MYH10: variants seen among roughly 807,000 people sequenced by gnomAD.
The protein encoded by MYH10 is myosin heavy chain 10.
MYH10 carries 55 observed loss-of-function variants against 257.8 expected under a neutral mutation model. That is an observed-to-expected ratio of 0.21 (90% confidence interval 0.17 to 0.27). The LOEUF is 0.27. MYH10 is among the 10% of genes least tolerant of loss of function. The pLI, the probability that MYH10 is intolerant of heterozygous loss-of-function variation, is 1.00. For synonymous variants in MYH10, 854 were observed against 921.7 expected (o/e 0.93, Z 1.33); for missense variants, 1,631 against 2,500.6 (o/e 0.65, Z 7.42).
chr17:8,508,772 A>G (rs2081160928), intron 25 of MYH10, 95 bp from the exon 26 acceptor site: 1 of 1,474,532 alleles, frequency 6.8e-7, no homozygotes, highest in Admixed American at 1.8e-5. Flanking sequence ...CTCGAGAGAA[A>G]ATAAGTTCTA....
intron 28 of MYH10, among the ~76,000 whole-genome samples, chr17:8,503,176 G>A (rs1174399204): frequency 4.6e-5 from 7 of 152,112 alleles, no homozygotes; most frequent in Non-Finnish European, 4.4e-5. Flanking sequence ...CCAGCTACTC[G>A]GGAGGCTGAG....
intron 14 of MYH10, among the ~76,000 whole-genome samples, chr17:8,540,267 T>C (rs1242155077): frequency 6.6e-6 from 1 of 152,192 alleles, no homozygotes; most frequent in Non-Finnish European, 1.5e-5. Context: ...AGTACTGGGA[T>C]TATAGGCGGG....
chr17:8,542,053 A>T, intron 14 of MYH10, 54 bp downstream of exon 14: 1 of 1,539,502 alleles, frequency 6.5e-7, no homozygotes, highest in Non-Finnish European at 8.8e-7. Flanking sequence ...TATGCCACTT[A>T]AGGTCACTGC....
At chr17:8,517,033 C>T (rs954181012) in intron 21 of MYH10, among the ~76,000 whole-genome samples, 2 of 151,618 alleles carry the variant, frequency 1.3e-5, no homozygotes, top group African/African-American at 4.8e-5. Context: ...CCCAGCTACT[C>T]GGGAGGCTGA....
At chr17:8,610,344 TTTGGGAAGCCACG>T (rs1404566963) in intron 2 of MYH10, among the ~76,000 whole-genome samples, 1 of 144,768 alleles carries the variant, frequency 6.9e-6, no homozygotes, top group Admixed American at 6.9e-5. Flanking sequence ...ACCCCAGCAC[TTTGGGAAGCCACG>T]GTGGGAAGAT....
At chr17:8,551,158 ATTT>A (rs2082631498) in intron 9 of MYH10, among the ~76,000 whole-genome samples, 1 of 143,046 alleles carries the variant, frequency 7.0e-6, no homozygotes. Context: ...TAAATAATAA[ATTT>A]AAAAAAAAAA....
chr17:8,613,098 C>A (rs1194210453), intron 2 of MYH10, among the ~76,000 whole-genome samples: 1 of 152,008 alleles, frequency 6.6e-6, no homozygotes, highest in Non-Finnish European at 1.5e-5. Flanking sequence ...AAAGGAAAAC[C>A]GATGACCTTC....
rs1912185171 is a variant in MYH10, at chr17:8,474,513, T to C, written c.*1291A>G. ...GTGTTTTCAAGCACATTGCAGAGGA[T>C]CAAGGATTTAGAATTAACACTGATT... is the stretch of plus-strand genomic sequence containing the variant. On this transcript the variant is annotated 3_prime_UTR_variant, in exon 43 of 43. Transcript: ENST00000360416. 6.6e-6 allele frequency: 1 copy of C among 152,612 alleles called. No homozygotes were observed. Among genetic ancestry groups the C allele is most frequent in the Non-Finnish European group, 1.5e-5 (1 of 68,040 alleles). 9.5% of individuals were successfully genotyped at this position (152,612 alleles called of 1,614,324 possible). A position where few individuals can be genotyped will look rare whatever the true frequency, so the allele number is the denominator to read the frequency against.
Position 8,548,680 on chromosome 17 carries a change from T to C in MYH10, c.1027A>G (p.Met343Val), listed in dbSNP as rs374148374. The C allele has an allele frequency of 1.1e-5, 17 of 1,614,022 alleles. No individual in the cohort carries two copies. In the African/African-American group the frequency reaches 1.2e-4, roughly 11 times the overall value. The change falls in exon 10 of 43, where the codon ATG (methionine) becomes GTG (valine). Residue 343 changes from methionine to valine, a missense_variant. Transcript: ENST00000360416. ...KDNFQETMEA[M>V]HIMGFSHEEI... is the part of the protein sequence containing the mutation. ...TCATGGGAGAAGCCCATTATGTGCA[T>C]TGCTTCCATGGTCTCCTGGAAATTA...
intron 6 of MYH10, among the ~76,000 whole-genome samples, chr17:8,573,285 A>G (rs1396108495): frequency 6.6e-6 from 1 of 152,212 alleles, no homozygotes; most frequent in Non-Finnish European, 1.5e-5. Flanking sequence ...ATCCGGCTGT[A>G]CCTTGCAGGC....
At chr17:8,597,364 A>T (rs1035160258) in intron 3 of MYH10, among the ~76,000 whole-genome samples, 2 of 151,622 alleles carry the variant, frequency 1.3e-5, no homozygotes, top group African/African-American at 4.8e-5. Flanking sequence ...AAAGAAAAAG[A>T]ATATCATAGG....
rs1430562635 is a variant in MYH10 at position 8,474,589 on chromosome 17, A to ACC, written c.*1214_*1215insGG. 3 of 152,680 alleles carry ACC rather than the reference A, an allele frequency of 2.0e-5. No individual in the cohort carries two copies. Among genetic ancestry groups the ACC allele is most frequent in the African/African-American group, 4.8e-5 (2 of 41,470 alleles). 9.5% of individuals were successfully genotyped at this position (152,680 alleles called of 1,614,324 possible). On this transcript the variant is annotated 3_prime_UTR_variant, in exon 43 of 43. Coordinates refer to ENST00000360416, the MANE Select transcript of MYH10 (RefSeq NM_001256012.3). ...CACTTTGACTAGAGAGGTACATGAT[A>ACC]TGAAGCACAGTCAAAACTGAATACA...
chr17:8,480,398 C>T lies in MYH10; in HGVS notation c.5388+4G>A, dbSNP rs200860507. 575 of 1,613,380 alleles carry T rather than the reference C, an allele frequency of 3.6e-4. 1 individual carries two copies. The highest frequency in any genetic ancestry group is 1.8e-3 in the Middle Eastern group (11 of 6,062). On this transcript the variant is annotated splice_donor_region_variant and intron_variant, in intron 39 of 42. Transcript: ENST00000360416. ...CCTGGGTGACGGGCTCCTGCATGGG[C>T]CACCTGTAGAGTGGTCTTGCGGAAG...
intron 17 of MYH10, among the ~76,000 whole-genome samples, chr17:8,521,687 T>C (rs1488341960): frequency 2.0e-5 from 3 of 152,176 alleles, no homozygotes; most frequent in Admixed American, 1.3e-4. Flanking sequence ...TAAAAATATA[T>C]ATAAGAATAT....
chr17:8,545,668 C>A lies in MYH10; in HGVS notation c.1279-68G>T. On this transcript the variant is annotated intron_variant, in intron 12 of 42. Transcript: ENST00000360416. The surrounding 1 kb of genome is among the most constrained non-coding windows in gnomAD (Gnocchi z 4.7). Reference sequence around the variant, plus strand: ...CAACAAAGCATAAATAGCTGTTTTACGGAATTTAATGTTATACAGCACTCA... The same window carrying A: ...CAACAAAGCATAAATAGCTGTTTTAAGGAATTTAATGTTATACAGCACTCA... The A allele has an allele frequency of 6.5e-7, 1 of 1,533,640 alleles. No individual in the cohort carries two copies. The highest frequency in any genetic ancestry group is 1.4e-5 in the African/African-American group (1 of 71,970).
chr17:8,591,718 A>G (rs1378258511), intron 3 of MYH10, among the ~76,000 whole-genome samples: 1 of 152,194 alleles, frequency 6.6e-6, no homozygotes, highest in Non-Finnish European at 1.5e-5. Flanking sequence ...CTAAAATTTG[A>G]GACCTACACT....
intron 3 of MYH10, among the ~76,000 whole-genome samples, chr17:8,603,340 A>C (rs1304950698): frequency 6.6e-6 from 1 of 152,170 alleles, no homozygotes; most frequent in Non-Finnish European, 1.5e-5. Flanking sequence ...ATCAGTCATT[A>C]ATCAATATAC....
chr17:8,495,529 A>G (rs1201744868), intron 30 of MYH10, among the ~76,000 whole-genome samples: 1 of 152,170 alleles, frequency 6.6e-6, no homozygotes, highest in Non-Finnish European at 1.5e-5. Flanking sequence ...TATTTTTATC[A>G]TGAAGATACA....
chr17:8,482,718 C>T (rs184094666), intron 37 of MYH10, among the ~76,000 whole-genome samples: 1 of 152,340 alleles, frequency 6.6e-6, no homozygotes, highest in East Asian at 1.9e-4. Flanking sequence ...TCTCTTCTCC[C>T]TAATGCAGTG....
Sources: gnomAD v4.1 joint callset for allele counts (sites outside exome capture counted in the v4.1 genomes callset) on GRCh38, gnomAD v4.1.1 for gene constraint, Gnocchi (gnomAD v3.1) non-coding constraint, MANE v1.5 for transcripts, NCBI Gene and HGNC (gene_info 2026-07-23, HGNC 2026-07-21) for gene names.